TAMM41: variants seen among roughly 807,000 people sequenced by gnomAD.
TAMM41 encodes the protein phosphatidate cytidylyltransferase, mitochondrial.
A neutral mutation model predicts 44.1 loss-of-function variants in TAMM41; 36 were observed. That is an observed-to-expected ratio of 0.82 (90% CI 0.63 to 1.08). The LOEUF is 1.08. Ranked by LOEUF, TAMM41 falls within the 50% of genes least tolerant of loss-of-function variation. TAMM41 has a pLI of 0.00. For missense variants in TAMM41, 417 were observed against 404.3 expected (o/e 1.03, Z -0.27); for synonymous variants, 164 against 153.1 (o/e 1.07, Z -0.53).
Position 11,829,679 on chromosome 3 carries a change from C to A in TAMM41, c.562+35G>T, listed in dbSNP as rs749706633. The stretch of plus-strand genomic sequence containing the variant: ...CCGCAGTCTTCAAATATAAATCTCT[C>A]CCTTGTAGAACATCTGGGCAGCAAC... On this transcript the variant is annotated intron_variant, in intron 4 of 7. Coordinates refer to ENST00000455809, the MANE Select transcript of TAMM41 (RefSeq NM_001284401.2). 5 of 1,610,532 alleles carry A rather than the reference C, an allele frequency of 3.1e-6. No homozygotes were observed. The Admixed American group carries it at 8.3e-5, about 27-fold the overall frequency.
chr3:11,846,696 C>G lies in TAMM41; in HGVS notation c.-60G>C. The G allele has an allele frequency of 6.2e-7, 1 of 1,610,006 alleles. No homozygotes were observed. The highest frequency in any genetic ancestry group is 8.5e-7 in the Non-Finnish European group (1 of 1,177,798). ...AGGGCGAGGACAACCGGGCGGGGAACAGACACCGGGTAGGCGGTTTAGGGT... is the reference window on the plus strand; with the variant it reads ...AGGGCGAGGACAACCGGGCGGGGAAGAGACACCGGGTAGGCGGTTTAGGGT... On this transcript the variant is annotated 5_prime_UTR_variant, in exon 1 of 8. Coordinates refer to ENST00000455809, the MANE Select transcript of TAMM41 (RefSeq NM_001284401.2).
At chr3:11,767,625 C>CTTTTTTTTTTTTTTTTT in the TAMM41 span, among the ~76,000 whole-genome samples, 4 of 27,910 alleles carry the variant, frequency 1.4e-4, no homozygotes, top group African/African-American at 5.5e-4. Flanking sequence ...ACACGTTGTG[C>CTTTTTTTTTTTTTTTTT]ATTTTTTTTT....
intron 1 of TAMM41, among the ~76,000 whole-genome samples, chr3:11,845,719 T>A (rs1284568446): frequency 6.6e-6 from 1 of 152,080 alleles, no homozygotes; most frequent in Non-Finnish European, 1.5e-5. Flanking sequence ...ACAGGCAGGA[T>A]GTTAATCAGA....
the TAMM41 span, among the ~76,000 whole-genome samples, chr3:11,729,538 CATTTTTTTT>C: frequency 9.0e-4 from 59 of 65,526 alleles, 9 homozygotes; most frequent in African/African-American, 2.9e-3. Flanking sequence ...TTCTTTCTTT[CATTTTTTTT>C]TTTTTTTTTT....
the TAMM41 span, among the ~76,000 whole-genome samples, chr3:11,761,953 A>C: frequency 6.6e-6 from 1 of 150,628 alleles, no homozygotes; most frequent in Admixed American, 6.6e-5. Context: ...TCTCAAAAAA[A>C]AAAAAAAAAA....
chr3:11,737,206 G>A, the TAMM41 span, among the ~76,000 whole-genome samples: 1 of 151,682 alleles, frequency 6.6e-6, no homozygotes, highest in Admixed American at 6.6e-5. Context: ...CCAGAACCCT[G>A]GCTTAATCTT....
the TAMM41 span, among the ~76,000 whole-genome samples, chr3:11,773,910 G>A: frequency 3.9e-5 from 6 of 152,076 alleles, no homozygotes; most frequent in Non-Finnish European, 7.4e-5. Flanking sequence ...CCAACATGGC[G>A]AAACCTCGTC....
At chr3:11,734,331 G>A in the TAMM41 span, among the ~76,000 whole-genome samples, 2 of 152,188 alleles carry the variant, frequency 1.3e-5, no homozygotes, top group Non-Finnish European at 2.9e-5. Context: ...CATTTTGCAC[G>A]TAGTGTGAGC....
At chr3:11,784,802 T>C in the TAMM41 span, among the ~76,000 whole-genome samples, 1,110 of 143,586 alleles carry the variant, frequency 7.7e-3, 16 homozygotes, top group Admixed American at 0.013. Context: ...TTTTCTTTTT[T>C]TTTTTTTTTT....
At chr3:11,826,507 C>A (rs891670506) in intron 4 of TAMM41, among the ~76,000 whole-genome samples, 3 of 115,966 alleles carry the variant, frequency 2.6e-5, no homozygotes, top group African/African-American at 1.1e-4. Flanking sequence ...CTAGCTTGGG[C>A]GACAGAGTGA....
chr3:11,751,064 C>T, the TAMM41 span, among the ~76,000 whole-genome samples: 1 of 150,714 alleles, frequency 6.6e-6, no homozygotes, highest in East Asian at 2.0e-4. Context: ...GAGGAGGAGT[C>T]CTTTCCAGAA....
chr3:11,728,304 A>G, the TAMM41 span, among the ~76,000 whole-genome samples: 12 of 152,340 alleles, frequency 7.9e-5, no homozygotes, highest in East Asian at 1.9e-3. Flanking sequence ...TCCAGCAGTG[A>G]ACAAATCTTG....
intron 2 of TAMM41, among the ~76,000 whole-genome samples, chr3:11,843,130 C>T (rs1274966943): frequency 1.3e-5 from 2 of 152,216 alleles, no homozygotes; most frequent in East Asian, 1.9e-4. Context: ...CTCTCAATCA[C>T]CTGTGATATC....
chr3:11,779,987 C>A, the TAMM41 span, among the ~76,000 whole-genome samples: 4 of 152,182 alleles, frequency 2.6e-5, no homozygotes, highest in African/African-American at 9.7e-5. Flanking sequence ...GACATCACTT[C>A]AATCTGTCCC....
At chr3:11,780,265 T>A in the TAMM41 span, among the ~76,000 whole-genome samples, 2 of 152,236 alleles carry the variant, frequency 1.3e-5, no homozygotes, top group Non-Finnish European at 2.9e-5. Context: ...GCACAGTATA[T>A]GTCTGGCACT....
At chr3:11,818,240 G>GGTT (rs1306567232) in intron 4 of TAMM41, among the ~76,000 whole-genome samples, 100 of 152,286 alleles carry the variant, frequency 6.6e-4, no homozygotes, top group African/African-American at 2.3e-3. Context: ...AGCTGCTGAG[G>GGTT]AATCCCCTGG....
chr3:11,749,932 C>A, the TAMM41 span, among the ~76,000 whole-genome samples: 1 of 147,054 alleles, frequency 6.8e-6, no homozygotes, highest in African/African-American at 2.5e-5. Context: ...GAGTCTTGCT[C>A]TGTTGCCCAG....
chr3:11,808,730 T>C (rs2077994528), intron 6 of TAMM41: 2 of 647,116 alleles, frequency 3.1e-6, no homozygotes, highest in Non-Finnish European at 1.9e-6. Context: ...GCTCTTTTTT[T>C]TGTTTGTTTT....
chr3:11,833,052 T>C, intron 3 of TAMM41: 4 of 1,225,410 alleles, frequency 3.3e-6, no homozygotes, highest in Non-Finnish European at 4.2e-6. Flanking sequence ...GCTGATCTGG[T>C]TCTTCAATGA....
Sources: allele counts gnomAD v4.1 joint callset (sites outside exome capture counted in the v4.1 genomes callset), GRCh38; gene constraint gnomAD v4.1.1; transcripts MANE v1.5; gene names NCBI Gene and HGNC (gene_info 2026-07-23, HGNC 2026-07-21).